EPRS1: variants seen among roughly 807,000 people sequenced by gnomAD.
EPRS1 encodes bifunctional glutamate/proline--tRNA ligase.
Under a neutral mutation model 188.3 loss-of-function variants are expected in EPRS1, and 107 were observed. The ratio of observed to expected loss-of-function variants is 0.57; its 90% confidence interval spans 0.49 to 0.67. EPRS1 has a LOEUF of 0.67. Ranked by LOEUF, EPRS1 falls within the 30% of genes least tolerant of loss-of-function variation. The pLI is 0.00. For synonymous variants in EPRS1, 596 were observed against 593.1 expected, an observed-to-expected ratio of 1.00 and a Z score of -0.07; for missense variants, 1,577 against 1,802.2, an observed-to-expected ratio of 0.88 and a Z score of 2.26.
At chr1:220,008,093 C>T (rs1363418577) in intron 13 of EPRS1, among the ~76,000 whole-genome samples, 3 of 145,078 alleles carry the variant, frequency 2.1e-5, no homozygotes, top group African/African-American at 7.8e-5. Flanking sequence ...GGCAACAGAG[C>T]GAGACTCCGT....
At chr1:220,015,101 C>T (rs546927084) in intron 12 of EPRS1, among the ~76,000 whole-genome samples, 4 of 152,074 alleles carry the variant, frequency 2.6e-5, no homozygotes, top group Admixed American at 6.6e-5. Flanking sequence ...AACAAGAGTA[C>T]CAGTCCAAGA....
At chr1:220,043,790 C>A (rs1275703940) in intron 1 of EPRS1, among the ~76,000 whole-genome samples, 1 of 152,142 alleles carries the variant, frequency 6.6e-6, no homozygotes, top group East Asian at 1.9e-4. Context: ...AAGGTCAAAG[C>A]TATGAAAGCC....
In EPRS1 at chr1:219,983,401, T is replaced by G; in HGVS notation, c.3091-3A>C. 1 of 1,603,228 alleles carries G rather than the reference T, an allele frequency of 6.2e-7. No individual in the cohort carries two copies. On this transcript the variant is annotated splice_region_variant and splice_polypyrimidine_tract_variant and intron_variant, in intron 21 of 31. Coordinates refer to ENST00000366923, the MANE Select transcript of EPRS1 (RefSeq NM_004446.3). ...ATCATTTCTGACTTTGTGATGACCT[T>G]TTTAAAAGAAAAATAGTCTTTAAAG...
intron 2 of EPRS1, among the ~76,000 whole-genome samples, chr1:220,037,273 G>A (rs1030205118): frequency 1.3e-5 from 2 of 152,130 alleles, no homozygotes; most frequent in Admixed American, 6.5e-5. Context: ...GGGAGGCCGA[G>A]GTGGGCGGAT....
Position 220,046,443 on chromosome 1 carries a change from G to C in EPRS1, c.-55C>G. On this transcript the variant is annotated 5_prime_UTR_variant, in exon 1 of 32. Transcript: ENST00000366923. ...TACGCCTGGCTCGTGCCAGAACTAC[G>C]GAGGACCCCGCGAAAGGAAGAAGAT... is the stretch of plus-strand genomic sequence containing the variant. The C allele has an allele frequency of 2.5e-6, 4 of 1,608,332 alleles. No individual in the cohort carries two copies. The highest frequency in any genetic ancestry group is 3.4e-6 in the Non-Finnish European group (4 of 1,177,830).
At chr1:220,007,097 T>C (rs1210244978) in intron 14 of EPRS1, 105 bp downstream of exon 14, 14 of 948,438 alleles carry the variant, frequency 1.5e-5, no homozygotes, top group Non-Finnish European at 1.5e-5. Flanking sequence ...GCAGATTTAC[T>C]AGTCAGCAAC....
chr1:219,979,279 C>A, intron 27 of EPRS1, 139 bp downstream of exon 27: 1 of 627,240 alleles, frequency 1.6e-6, no homozygotes, highest in East Asian at 2.7e-5. Flanking sequence ...ACACTAGGGT[C>A]CAGACTGCAT....
intron 29 of EPRS1, 90 bp from the exon 30 acceptor site, chr1:219,972,237 A>T (rs1660681523): frequency 1.3e-6 from 1 of 799,530 alleles, no homozygotes; most frequent in Non-Finnish European, 2.0e-6. Context: ...TAATGAAAAG[A>T]CAACCTGGGA....
At chr1:219,981,271 C>A in intron 24 of EPRS1, 107 bp downstream of exon 24, 1 of 621,808 alleles carries the variant, frequency 1.6e-6, no homozygotes, top group Non-Finnish European at 2.7e-6. Context: ...ACTTCAAAAA[C>A]AGTTCCATAC....
intron 10 of EPRS1, among the ~76,000 whole-genome samples, chr1:220,019,479 A>C (rs1379115347): frequency 1.3e-5 from 2 of 152,244 alleles, no homozygotes; most frequent in Non-Finnish European, 2.9e-5. Context: ...TACTTTATAA[A>C]GCCCTTTGGA....
At chr1:220,018,193 G>A (rs1315728940) in intron 12 of EPRS1, 3 of 1,398,620 alleles carry the variant, frequency 2.1e-6, no homozygotes, top group African/African-American at 1.4e-5. Context: ...AAAAATTTAA[G>A]GAAAAAAATA....
chr1:220,035,658 G>A (rs952295311), intron 2 of EPRS1, among the ~76,000 whole-genome samples: 3 of 151,412 alleles, frequency 2.0e-5, no homozygotes, highest in Non-Finnish European at 2.9e-5. Flanking sequence ...GTAAAACCCC[G>A]TCTCTACTAA....
chr1:220,036,880 A>T (rs1662191589), intron 2 of EPRS1, among the ~76,000 whole-genome samples: 1 of 152,172 alleles, frequency 6.6e-6, no homozygotes, highest in Admixed American at 6.5e-5. Flanking sequence ...AAAATACTGC[A>T]ATCATAAAAC....
chr1:219,989,037 C>T (rs995182020), intron 18 of EPRS1, among the ~76,000 whole-genome samples: 8 of 152,012 alleles, frequency 5.3e-5, no homozygotes, highest in Admixed American at 2.0e-4. Context: ...ATTCAACATA[C>T]AACAGTGTAA....
chr1:220,044,108 A>G (rs1437910620), intron 1 of EPRS1, among the ~76,000 whole-genome samples: 7 of 152,086 alleles, frequency 4.6e-5, no homozygotes, highest in African/African-American at 1.7e-4. Flanking sequence ...TGGGGGAAAA[A>G]GGTCTTTATT....
intron 18 of EPRS1, among the ~76,000 whole-genome samples, chr1:219,995,009 AAGTCT>A (rs1235773577): frequency 1.3e-5 from 2 of 152,162 alleles, no homozygotes. Flanking sequence ...ATTTTGCTTA[AAGTCT>A]CAGTTTCCAA....
At position 219,973,350 on chromosome 1, in the gene EPRS1, G is replaced by T; in HGVS notation, c.4132C>A (p.Gln1378Lys). The T allele has an allele frequency of 6.2e-7, 1 of 1,612,224 alleles. No individual in the cohort carries two copies. The highest frequency in any genetic ancestry group is 1.7e-5 in the Admixed American group (1 of 59,736). The change falls in exon 29 of 32, where the codon CAG becomes AAG. Residue 1378 changes from glutamine to lysine, a missense_variant. Physicochemically the swap from Gln to Lys is moderately conservative, Grantham distance 53. Around this residue, in one of 3 missense-constraint regions of EPRS1, gnomAD observed 296 missense variants for 327.9 expected, o/e 0.90. Transcript: ENST00000366923. ...EVGPRDMKSC[Q>K]FVAVRRDTGE... ...GTATCTCGTCTGACGGCTACAAACT[G>T]ACAGCTCTTCATATCACGTGGCCCA...
rs574225406 is a variant in EPRS1, at chr1:219,980,762, C to T, written c.3549G>A (p.Ala1183=). The T allele has an allele frequency of 1.1e-5, 17 of 1,604,888 alleles. No homozygotes were observed. Among genetic ancestry groups the T allele is most frequent in the Middle Eastern group, 1.6e-4 (1 of 6,064 alleles). Residue 1183 remains alanine, a synonymous_variant, in exon 25 of 32, where the codon GCG becomes GCA. Coordinates refer to ENST00000366923, the MANE Select transcript of EPRS1 (RefSeq NM_004446.3). ...HSAFATMEEA[A]EEVLQILDLY... is the part of the protein sequence containing the mutation. ...GGAAAATAACTTTTTATACCTCTTC[C>T]GCTGCCTCTTCCATGGTAGCAAAAG...
intron 10 of EPRS1, 48 bp downstream of exon 10, chr1:220,019,940 T>C (rs1364877325): frequency 2.3e-6 from 3 of 1,306,584 alleles, no homozygotes; most frequent in Middle Eastern, 3.8e-4. Context: ...AAATCACTGA[T>C]CTACTATGTC....
Sources: allele counts gnomAD v4.1 joint callset (sites outside exome capture counted in the v4.1 genomes callset), GRCh38; gene constraint gnomAD v4.1.1; regional missense constraint gnomAD v4.1.1; transcripts MANE v1.5; gene names NCBI Gene and HGNC (gene_info 2026-07-23, HGNC 2026-07-21).